Variants in INTS2 observed in about 807,000 individuals in gnomAD.
The protein encoded by INTS2 is KIAA1287.
INTS2 carries 57 observed loss-of-function variants against 139.6 expected under a neutral mutation model. The ratio of observed to expected loss-of-function variants is 0.41; its 90% CI spans 0.33 to 0.51. The LOEUF is 0.51. INTS2 is among the 20% of genes least tolerant of loss of function. The pLI, the probability that INTS2 is intolerant of heterozygous loss-of-function variation, is 0.28. For missense variants in INTS2, 1,196 were observed against 1,436.7 expected (o/e 0.83, Z 2.71); for synonymous variants, 473 against 493.4 (o/e 0.96, Z 0.55).
chr17:61,892,673 G>A (rs768495911), intron 13 of INTS2, among the ~76,000 whole-genome samples: 2 of 151,728 alleles, frequency 1.3e-5, no homozygotes, highest in African/African-American at 2.4e-5. Context: ...GGCCAGGCAC[G>A]GTGGTTCATG....
intron 9 of INTS2, among the ~76,000 whole-genome samples, chr17:61,900,969 A>G (rs138398556): frequency 6.6e-6 from 1 of 151,758 alleles, no homozygotes; most frequent in Admixed American, 6.6e-5. Flanking sequence ...TTATATTTAT[A>G]TATGTATATG....
chr17:61,927,574 C>T (rs1002073014), intron 1 of INTS2, 80 bp downstream of exon 1: 2 of 1,104,892 alleles, frequency 1.8e-6, no homozygotes, highest in Non-Finnish European at 2.3e-6. Flanking sequence ...CCAATAAGTC[C>T]CTCAGGCTGA....
chr17:61,896,447 T>C (rs1419185394), intron 11 of INTS2, among the ~76,000 whole-genome samples: 1 of 152,144 alleles, frequency 6.6e-6, no homozygotes, highest in Admixed American at 6.6e-5. Context: ...GTTGGAACAC[T>C]ACCACTTTCA....
chr17:61,885,275 A>G, intron 15 of INTS2: 1 of 455,366 alleles, frequency 2.2e-6, no homozygotes, highest in African/African-American at 2.0e-5. Flanking sequence ...GCCATGTGCA[A>G]AAGTGCCCTA....
At chr17:61,904,002 A>G (rs979893804) in intron 9 of INTS2, among the ~76,000 whole-genome samples, 1 of 152,208 alleles carries the variant, frequency 6.6e-6, no homozygotes, top group Non-Finnish European at 1.5e-5. Flanking sequence ...CACTGCTTCT[A>G]AGAAAGATAA....
In INTS2 at chr17:61,878,931, C is replaced by CAAAAAAA. The variant is rs35652350; in HGVS notation, c.2255-850_2255-844dup. On this transcript the variant is annotated intron_variant, in intron 17 of 24. Coordinates refer to ENST00000251334, the MANE Select transcript of INTS2 (RefSeq NM_001351695.2). ...GAGACTGGGCAACAGACCCTGTCTC[C>CAAAAAAA]AAAAAAAAAAAAAAAAAAAAAAACA... Among the ~76,000 whole-genome samples, 7 of 46,650 alleles carry CAAAAAAA rather than the reference C, an allele frequency of 1.5e-4. 1 individual carries two copies. Among genetic ancestry groups the CAAAAAAA allele is most frequent in the African/African-American group, 4.2e-4 (4 of 9,574 alleles). 30.6% of individuals were successfully genotyped at this position (46,650 alleles called of 152,430 possible). A position where few individuals can be genotyped will look rare whatever the true frequency, so the allele number is the denominator to read the frequency against.
chr17:61,878,098 A>C lies in INTS2; in HGVS notation c.2255-10T>G, dbSNP rs1303295031. Reference sequence around the variant, plus strand: ...GGGACAGCTGAAAATGCTAAAAAGAAAATTTAGCAATCATAACCTAAATTC... The same window carrying C: ...GGGACAGCTGAAAATGCTAAAAAGACAATTTAGCAATCATAACCTAAATTC... On this transcript the variant is annotated splice_polypyrimidine_tract_variant and intron_variant, in intron 17 of 24. Coordinates refer to ENST00000251334, the MANE Select transcript of INTS2 (RefSeq NM_001351695.2). 4 of 1,556,928 alleles carry C rather than the reference A, an allele frequency of 2.6e-6. No individual in the cohort carries two copies. Among genetic ancestry groups the C allele is most frequent in the Admixed American group, 1.7e-5 (1 of 59,884 alleles).
At position 61,891,872 on chromosome 17, in the gene INTS2, TTA is replaced by T. The variant is rs544435667; in HGVS notation, c.1699-185_1699-184del. On this transcript the variant is annotated intron_variant, in intron 13 of 24. Coordinates refer to ENST00000251334, the MANE Select transcript of INTS2 (RefSeq NM_001351695.2). ...TTTGATTTTAAAATATGAACTACCATTATATCTGTATCATCTTAGGTGCACCC... is the reference window on the plus strand; with the variant it reads ...TTTGATTTTAAAATATGAACTACCATTATCTGTATCATCTTAGGTGCACCC... Among the ~76,000 whole-genome samples the T allele has an allele frequency of 5.7e-3, 875 of 152,198 alleles. 5 individuals are homozygous for T. Among genetic ancestry groups the T allele is most frequent in the African/African-American group, 0.02 (837 of 41,520 alleles).
rs1467499547 is a variant in INTS2, at chr17:61,872,265, C to G, written c.2778G>C (p.Gln926His). ...TAAATTTTACTTTAGCAAAATTTAC[C>G]TGAGCGGCCAGTAATGCATTTTTCA... ...EELKNALLAAQDSAAVQILLE... is the reference protein window; with the variant it reads ...EELKNALLAAHDSAAVQILLE... The change falls in exon 20 of 25, where the codon CAG (glutamine) becomes CAC (histidine). Residue 926 changes from glutamine to histidine, a missense_variant and splice_region_variant. Transcript: ENST00000251334. The surrounding 1 kb of genome is among the most constrained non-coding windows in gnomAD (Gnocchi z 4.8). 6.2e-7 allele frequency: 1 copy of G among 1,606,032 alleles called. No homozygotes were observed. Among genetic ancestry groups the G allele is most frequent in the Non-Finnish European group, 8.5e-7 (1 of 1,174,762 alleles).
At chr17:61,885,526 C>G (rs376451707) in intron 15 of INTS2, among the ~76,000 whole-genome samples, 81 of 151,462 alleles carry the variant, frequency 5.3e-4, no homozygotes, top group African/African-American at 1.8e-3. Context: ...GCGATTCTCC[C>G]GCCTCAGCCT....
intron 3 of INTS2, among the ~76,000 whole-genome samples, chr17:61,924,233 A>G (rs2079684051): frequency 6.6e-6 from 1 of 152,196 alleles, no homozygotes; most frequent in Admixed American, 6.5e-5. Context: ...TACATTTTTC[A>G]GTTATTCACA....
intron 8 of INTS2, 56 bp from the exon 9 acceptor site, chr17:61,904,641 A>C (rs2079442692): frequency 6.9e-7 from 1 of 1,450,598 alleles, no homozygotes; most frequent in Admixed American, 2.5e-5. Context: ...AAGAAGAAAA[A>C]GTGAATTTTT....
chr17:61,919,285 C>A, intron 5 of INTS2, 115 bp downstream of exon 5: 1 of 607,138 alleles, frequency 1.6e-6, no homozygotes, highest in Non-Finnish European at 3.0e-6. Context: ...AACAAACTTT[C>A]AAAAGATAAA....
At chr17:61,918,716 T>C (rs2079607402) in intron 5 of INTS2, among the ~76,000 whole-genome samples, 1 of 152,216 alleles carries the variant, frequency 6.6e-6, no homozygotes, top group South Asian at 2.1e-4. Flanking sequence ...CTGTAAGTTT[T>C]AAATAGAGGT....
chr17:61,883,224 A>T (rs1217571131), intron 16 of INTS2, among the ~76,000 whole-genome samples: 1 of 152,182 alleles, frequency 6.6e-6, no homozygotes, highest in Non-Finnish European at 1.5e-5. Flanking sequence ...AACAGATTAT[A>T]CAAAGAAGCC....
intron 17 of INTS2, among the ~76,000 whole-genome samples, chr17:61,880,359 T>C (rs2145911849): frequency 6.6e-6 from 1 of 152,286 alleles, no homozygotes; most frequent in South Asian, 2.1e-4. Context: ...ACTGCACTTA[T>C]TTCTAACCAG....
chr17:61,895,321 A>C lies in INTS2; in HGVS notation c.1557T>G (p.Thr519=). 6.4e-7 allele frequency: 1 copy of C among 1,567,140 alleles called. No individual in the cohort carries two copies. Among genetic ancestry groups the C allele is most frequent in the South Asian group, 1.2e-5 (1 of 82,752 alleles). Residue 519 remains threonine, a synonymous_variant, in exon 12 of 25, where the codon ACT becomes ACG. Coordinates refer to ENST00000251334, the MANE Select transcript of INTS2 (RefSeq NM_001351695.2). ...TAAGAATAAAAAGAAATACCTGCTCAGTAAAAATTTCCTGTGTGAAGATTG... is the reference window on the plus strand; with the variant it reads ...TAAGAATAAAAAGAAATACCTGCTCCGTAAAAATTTCCTGTGTGAAGATTG... ...MKTIFTQEIF[T]EQVVTAHAVR...
intron 11 of INTS2, 28 bp from the exon 12 acceptor site, chr17:61,895,411 C>T: frequency 1.4e-6 from 2 of 1,383,892 alleles, no homozygotes; most frequent in Non-Finnish European, 2.0e-6. Flanking sequence ...ATTCCAACAG[C>T]ATGTAAAAAT....
At chr17:61,894,462 G>A (rs967983149) in intron 12 of INTS2, among the ~76,000 whole-genome samples, 1 of 152,182 alleles carries the variant, frequency 6.6e-6, no homozygotes, top group Non-Finnish European at 1.5e-5. Context: ...CCCACATGCT[G>A]TGTGACTACT....
Sources: allele counts gnomAD v4.1 joint callset (sites outside exome capture counted in the v4.1 genomes callset), GRCh38; gene constraint gnomAD v4.1.1; non-coding constraint Gnocchi (gnomAD v3.1); transcripts MANE v1.5; gene names NCBI Gene and HGNC (gene_info 2026-07-23, HGNC 2026-07-21).